Variants in B3GALT1 observed in about 807,000 individuals in gnomAD.
B3GALT1 encodes UDP-Gal:betaGlcNAc beta 1,3-galactosyltransferase, polypeptide 1.
In B3GALT1, 10 loss-of-function variants were observed where a neutral mutation model predicts 23.2. The observed-to-expected ratio is 0.43, with a 90% CI of 0.27 to 0.73. The LOEUF is 0.73. B3GALT1 is among the 30% of genes least tolerant of loss of function. B3GALT1 has a pLI of 0.21. For synonymous variants in B3GALT1, 156 were observed against 141.5 expected, an observed-to-expected ratio of 1.10 and a Z score of -0.73; for missense variants, 299 against 405.4, an observed-to-expected ratio of 0.74 and a Z score of 2.25.
Position 167,677,948 on chromosome 2 carries a change from A to G in B3GALT1, c.-352+30982A>G, listed in dbSNP as rs114636787. Among the ~76,000 whole-genome samples the G allele has an allele frequency of 2.2e-3, 328 of 152,282 alleles. 1 individual carries two copies. The highest frequency in any genetic ancestry group is 7.7e-3 in the African/African-American group (320 of 41,562). On this transcript the variant is annotated intron_variant, in intron 3 of 4. Transcript: ENST00000392690. Reference sequence around the variant, plus strand: ...CAGATCTTGTGAGAACGCATCCACTATCATGATAACAGCATGAGGGAACCA... The same window carrying G: ...CAGATCTTGTGAGAACGCATCCACTGTCATGATAACAGCATGAGGGAACCA...
chr2:167,655,759 C>G (rs898033297), intron 3 of B3GALT1, among the ~76,000 whole-genome samples: 26 of 151,998 alleles, frequency 1.7e-4, no homozygotes, highest in African/African-American at 6.3e-4. Context: ...ATTCATATGC[C>G]TTATTAAATT....
rs770882819 is a variant in B3GALT1, at chr2:167,868,874, C to T, written c.-166C>T. The stretch of plus-strand genomic sequence containing the variant: ...CAGATTTGGAAGAAAGTAGAATGAG[C>T]GCAGAGGTGACAGACAGCCACTGAG... On this transcript the variant is annotated 5_prime_UTR_variant, in exon 5 of 5. Coordinates refer to ENST00000392690, the MANE Select transcript of B3GALT1 (RefSeq NM_020981.4). The T allele has an allele frequency of 2.1e-4, 152 of 722,344 alleles. 1 individual carries two copies. The highest frequency in any genetic ancestry group is 2.2e-4 in the Non-Finnish European group (99 of 450,116). 44.7% of individuals were successfully genotyped at this position (722,344 alleles called of 1,614,324 possible).
chr2:167,739,129 T>G (rs1395140281), intron 3 of B3GALT1, among the ~76,000 whole-genome samples: 3 of 152,208 alleles, frequency 2.0e-5, no homozygotes, highest in Non-Finnish European at 2.9e-5. Context: ...AGAATTGGAA[T>G]TGTGTAATGA....
At chr2:167,607,170 G>A (rs1684977284) in intron 2 of B3GALT1, among the ~76,000 whole-genome samples, 1 of 152,096 alleles carries the variant, frequency 6.6e-6, no homozygotes, top group Non-Finnish European at 1.5e-5. Context: ...CAGTTCATAG[G>A]TTCTACCTGA....
chr2:167,408,057 CACACACACACACACAG>C (rs910567002), intron 1 of B3GALT1, among the ~76,000 whole-genome samples: 4 of 136,342 alleles, frequency 2.9e-5, no homozygotes, highest in East Asian at 2.5e-4. Flanking sequence ...CACACACACA[CACACACACACACACAG>C]ACACACAAAA....
intron 2 of B3GALT1, among the ~76,000 whole-genome samples, chr2:167,554,332 T>C (rs1002865686): frequency 6.6e-6 from 1 of 152,228 alleles, no homozygotes; most frequent in African/African-American, 2.4e-5. Flanking sequence ...GTTAAATTTG[T>C]ACATCTCCTT....
intron 3 of B3GALT1, among the ~76,000 whole-genome samples, chr2:167,811,942 G>C (rs1289481746): frequency 6.6e-6 from 1 of 152,148 alleles, no homozygotes; most frequent in Non-Finnish European, 1.5e-5. Flanking sequence ...TAAGCTCTTG[G>C]TTTTGTTTTG....
At chr2:167,836,545 G>C (rs1280498747) in intron 4 of B3GALT1, among the ~76,000 whole-genome samples, 1 of 152,170 alleles carries the variant, frequency 6.6e-6, no homozygotes, top group Non-Finnish European at 1.5e-5. Context: ...CCAAATCTAC[G>C]TCTGATTGGT....
At chr2:167,435,954 A>AACACACACAC (rs66661618) in intron 1 of B3GALT1, among the ~76,000 whole-genome samples, 4 of 139,220 alleles carry the variant, frequency 2.9e-5, no homozygotes, top group Non-Finnish European at 4.8e-5. Context: ...CACACACACA[A>AACACACACAC]ACACACACAC....
intron 2 of B3GALT1, among the ~76,000 whole-genome samples, chr2:167,510,737 G>A (rs1029168106): frequency 6.6e-6 from 1 of 152,060 alleles, no homozygotes; most frequent in Non-Finnish European, 1.5e-5. Context: ...CAATTCCCGT[G>A]GAGTAGAAGT....
At chr2:167,471,474 C>T (rs1699417552) in intron 1 of B3GALT1, among the ~76,000 whole-genome samples, 2 of 152,084 alleles carry the variant, frequency 1.3e-5, no homozygotes, top group African/African-American at 2.4e-5. Context: ...GATGTAGAAA[C>T]TGAGATTTTG....
intron 2 of B3GALT1, among the ~76,000 whole-genome samples, chr2:167,572,708 T>G (rs1196171348): frequency 6.6e-6 from 1 of 151,740 alleles, no homozygotes; most frequent in African/African-American, 2.4e-5. Flanking sequence ...TTGTTAATAC[T>G]GCCCTTGATG....
At chr2:167,556,783 G>C (rs566704537) in intron 2 of B3GALT1, among the ~76,000 whole-genome samples, 32 of 152,264 alleles carry the variant, frequency 2.1e-4, no homozygotes, top group South Asian at 4.1e-4. Flanking sequence ...AGGTATGTAT[G>C]CTACACTATT....
intron 3 of B3GALT1, among the ~76,000 whole-genome samples, chr2:167,789,712 A>G (rs1220876346): frequency 1.3e-5 from 2 of 152,154 alleles, no homozygotes; most frequent in Non-Finnish European, 2.9e-5. Context: ...GAGGAATGTT[A>G]TTGTAGATCC....
intron 3 of B3GALT1, among the ~76,000 whole-genome samples, chr2:167,767,719 T>G (rs1395672197): frequency 6.6e-6 from 1 of 152,194 alleles, no homozygotes; most frequent in Admixed American, 6.6e-5. Flanking sequence ...AATTTTATTA[T>G]AAAGTATCTT....
rs201771586 is a variant in B3GALT1, at chr2:167,431,076, A to G, written c.-510-59101A>G. 3.3e-5 allele frequency among the ~76,000 whole-genome samples: 5 copies of G among 152,324 alleles called. No homozygotes were observed. The East Asian group carries it at 9.6e-4, about 29-fold the overall frequency. ...ATGTCCTTTATGCTGCTGCCTAGGG[A>G]AAATCCATGTACTTTGATAGCCAAT... On this transcript the variant is annotated intron_variant, in intron 1 of 4. Coordinates refer to ENST00000392690, the MANE Select transcript of B3GALT1 (RefSeq NM_020981.4).
chr2:167,868,865 T>G lies in B3GALT1; in HGVS notation c.-175T>G, dbSNP rs768161486. On this transcript the variant is annotated 5_prime_UTR_variant, in exon 5 of 5. The change abolishes the stop of an existing upstream ORF in the 5' untranslated region. Transcript: ENST00000392690. The stretch of plus-strand genomic sequence containing the variant: ...ACCCTCCATCAGATTTGGAAGAAAG[T>G]AGAATGAGCGCAGAGGTGACAGACA... 4.8e-5 allele frequency: 32 copies of G among 661,678 alleles called. No individual in the cohort carries two copies. Among genetic ancestry groups the G allele is most frequent in the Non-Finnish European group, 7.4e-5 (30 of 406,498 alleles). The allele number at this position is 661,678 out of a possible 1,614,324, so 41.0% of individuals were successfully genotyped here.
At chr2:167,526,661 G>A (rs1683224920) in intron 2 of B3GALT1, among the ~76,000 whole-genome samples, 1 of 152,178 alleles carries the variant, frequency 6.6e-6, no homozygotes, top group African/African-American at 2.4e-5. Flanking sequence ...AAGAACTCAT[G>A]CATAGGAGTG....
rs980581419 is a variant in B3GALT1 at position 167,821,361 on chromosome 2, T to C, written c.-230+2568T>C. Among the ~76,000 whole-genome samples, 102 of 151,342 alleles carry C rather than the reference T, an allele frequency of 6.7e-4. 1 individual carries two copies. The highest frequency in any genetic ancestry group is 6.5e-3 in the Admixed American group (99 of 15,184). On this transcript the variant is annotated intron_variant, in intron 4 of 4. Transcript: ENST00000392690. ...CCCAAGCAGAAAGCAAATTGCACGA[T>C]ATCCAATTTATCTTCTTTGGAAGAA...
Sources: gnomAD v4.1 joint callset for allele counts (sites outside exome capture counted in the v4.1 genomes callset) on GRCh38, gnomAD v4.1.1 for gene constraint, MANE v1.5 for transcripts, NCBI Gene and HGNC (gene_info 2026-07-23, HGNC 2026-07-21) for gene names.